Variants in ARFGEF3 observed in about 807,000 individuals in gnomAD.
ARFGEF3 encodes ARFGEF family member 3.
A neutral mutation model predicts 221.7 loss-of-function variants in ARFGEF3; 96 were observed. The observed-to-expected ratio is 0.43, with a 90% confidence interval of 0.37 to 0.51. The LOEUF (loss-of-function observed/expected upper bound fraction) is 0.51. Among genes scored for constraint, ARFGEF3 ranks in the 20% least tolerant of loss-of-function variants. ARFGEF3 has a pLI of 0.00. For synonymous variants in ARFGEF3, 1,145 were observed against 1,126.8 expected (o/e 1.02, Z -0.32); for missense variants, 2,410 against 2,789.9 (o/e 0.86, Z 3.07).
Position 138,245,522 on chromosome 6 carries a change from T to C in ARFGEF3, c.596T>C (p.Val199Ala), listed in dbSNP as rs1199977142. 1 of 1,610,978 alleles carries C rather than the reference T, an allele frequency of 6.2e-7. No homozygotes were observed. The highest frequency in any genetic ancestry group is 1.1e-5 in the South Asian group (1 of 90,076). The change falls in exon 8 of 34, where the codon GTA (valine) becomes GCA (alanine). Residue 199 changes from valine to alanine, a missense_variant. This residue lies in a region of ARFGEF3 where 570 missense variants were observed against 586.9 expected (regional missense o/e 0.97). Coordinates refer to ENST00000251691, the MANE Select transcript of ARFGEF3 (RefSeq NM_020340.5). The part of the protein sequence containing the change: ...PQDFGNQGST[V>A]ESLCDDVVSV... ...CTCCTCTGTTTTGAAGGGTCAACAG[T>C]AGAGTCCCTCTGTGATGATGTTGTC...
chr6:138,297,817 G>A (rs1184074853), intron 21 of ARFGEF3, among the ~76,000 whole-genome samples: 3 of 152,138 alleles, frequency 2.0e-5, no homozygotes, highest in Non-Finnish European at 4.4e-5. Context: ...TTCTGGTGTT[G>A]GCCAGGGGTG....
intron 22 of ARFGEF3, among the ~76,000 whole-genome samples, chr6:138,300,447 A>C (rs1175805566): frequency 6.6e-6 from 1 of 152,166 alleles, no homozygotes; most frequent in African/African-American, 2.4e-5. Flanking sequence ...AACTAAAAAA[A>C]GTTGGATAAA....
chr6:138,326,499 C>G (rs145820825), intron 31 of ARFGEF3, among the ~76,000 whole-genome samples: 1 of 152,048 alleles, frequency 6.6e-6, no homozygotes, highest in African/African-American at 2.4e-5. Context: ...GACATACATG[C>G]GGCCAACATA....
chr6:138,236,247 C>T (rs1386120403), intron 5 of ARFGEF3, among the ~76,000 whole-genome samples: 1 of 152,134 alleles, frequency 6.6e-6, no homozygotes, highest in Non-Finnish European at 1.5e-5. Flanking sequence ...GCTTTTAAGG[C>T]TTAAAACTCC....
intron 31 of ARFGEF3, among the ~76,000 whole-genome samples, chr6:138,327,108 G>A (rs192903768): frequency 8.5e-5 from 13 of 152,276 alleles, no homozygotes; most frequent in African/African-American, 2.4e-4. Flanking sequence ...GTGGGGAACG[G>A]GGGAGGGAGA....
At chr6:138,274,178 C>T (rs1235830430) in intron 12 of ARFGEF3, among the ~76,000 whole-genome samples, 1 of 152,140 alleles carries the variant, frequency 6.6e-6, no homozygotes, top group Non-Finnish European at 1.5e-5. Context: ...TAGTTGGTTT[C>T]AACATTTTGA....
At chr6:138,279,312 C>T (rs1273168512) in intron 13 of ARFGEF3, among the ~76,000 whole-genome samples, 1 of 152,228 alleles carries the variant, frequency 6.6e-6, no homozygotes, top group African/African-American at 2.4e-5. Context: ...GCCACCAGGC[C>T]TGGCTGAAGG....
chr6:138,193,218 G>A (rs1302331195), intron 2 of ARFGEF3, among the ~76,000 whole-genome samples: 1 of 152,118 alleles, frequency 6.6e-6, no homozygotes, highest in Admixed American at 6.6e-5. Flanking sequence ...TCTCATTTGG[G>A]AATGTCCTTT....
chr6:138,223,206 T>C (rs1381325016), intron 4 of ARFGEF3, among the ~76,000 whole-genome samples: 1 of 152,190 alleles, frequency 6.6e-6, no homozygotes, highest in Non-Finnish European at 1.5e-5. Flanking sequence ...ATTCCTGTGC[T>C]TGTCACTGAA....
At chr6:138,204,054 C>T (rs149644544) in intron 2 of ARFGEF3, among the ~76,000 whole-genome samples, 40 of 151,936 alleles carry the variant, frequency 2.6e-4, no homozygotes, top group African/African-American at 8.7e-4. Context: ...TAAAAAGATT[C>T]GAGGCCAGGC....
chr6:138,260,164 A>C (rs60798680), intron 10 of ARFGEF3, among the ~76,000 whole-genome samples: 3,838 of 152,282 alleles, frequency 0.025, 190 homozygotes, highest in African/African-American at 0.089. Context: ...CTTTAGCCCC[A>C]GCCTTGTCAC....
chr6:138,273,340 A>G (rs759437531), intron 12 of ARFGEF3, among the ~76,000 whole-genome samples: 10 of 152,234 alleles, frequency 6.6e-5, no homozygotes, highest in Admixed American at 1.3e-4. Context: ...CTACTCTTGT[A>G]TCTAATCTTT....
intron 2 of ARFGEF3, among the ~76,000 whole-genome samples, chr6:138,202,672 AT>A (rs1228497625): frequency 7.0e-6 from 1 of 143,338 alleles, no homozygotes; most frequent in African/African-American, 2.7e-5. Context: ...TCTTACTAGT[AT>A]TTACTAGCAA....
At chr6:138,276,347 C>G (rs567276289) in intron 12 of ARFGEF3, among the ~76,000 whole-genome samples, 1 of 152,336 alleles carries the variant, frequency 6.6e-6, no homozygotes, top group East Asian at 1.9e-4. Context: ...TCACCCCAAG[C>G]TCCCTGTGAA....
chr6:138,257,815 A>C (rs558057275), intron 10 of ARFGEF3, among the ~76,000 whole-genome samples: 4 of 152,348 alleles, frequency 2.6e-5, no homozygotes, highest in African/African-American at 9.6e-5. Context: ...TCTGAACTTA[A>C]GAGTTTTCTC....
chr6:138,320,244 G>T (rs142121860), intron 28 of ARFGEF3, among the ~76,000 whole-genome samples: 79 of 152,312 alleles, frequency 5.2e-4, no homozygotes, highest in African/African-American at 1.8e-3. Flanking sequence ...GGGGGTAGCG[G>T]GTATAGCCTG....
chr6:138,334,090 A>T lies in ARFGEF3; in HGVS notation c.5244A>T (p.Ile1748=), dbSNP rs767359489. Residue 1748 remains isoleucine (I), a synonymous_variant, in exon 33 of 34, where the codon ATA becomes ATT. Coordinates refer to ENST00000251691, the MANE Select transcript of ARFGEF3 (RefSeq NM_020340.5). This position sits in a 1 kb window ranked among gnomAD's most constrained non-coding sequence, Gnocchi z 5.1. ...KGPSPGEEKT[I]QVPEAKLAGF... ...CCTCTCCTGGAGAGGAAAAGACGAT[A>T]CAAGTGCCAGAAGCCAAGCTGGCTG... is the stretch of plus-strand genomic sequence containing the variant. 1 of 1,613,992 alleles carries T rather than the reference A, an allele frequency of 6.2e-7. No individual in the cohort carries two copies. The highest frequency in any genetic ancestry group is 8.5e-7 in the Non-Finnish European group (1 of 1,179,896).
chr6:138,285,950 T>C lies in ARFGEF3; in HGVS notation c.2466T>C (p.Ile822=). Residue 822 remains isoleucine (I), a synonymous_variant, in exon 15 of 34, where the codon ATT becomes ATC. Transcript: ENST00000251691. ...SLPLITMLTD[I]DGLESSAIGG... ...TTCTTTCTTTTTCCTTGACAGATAT[T>C]GACGGCTTAGAGAGCAGTGCCATTG... The C allele has an allele frequency of 1.2e-6, 2 of 1,607,728 alleles. No homozygotes were observed. Among genetic ancestry groups the C allele is most frequent in the African/African-American group, 1.3e-5 (1 of 74,964 alleles).
At chr6:138,319,972 C>T (rs1262756257) in intron 28 of ARFGEF3, 93 bp downstream of exon 28, 25 of 991,258 alleles carry the variant, frequency 2.5e-5, no homozygotes, top group South Asian at 6.0e-5. Flanking sequence ...AATGCAAATA[C>T]GAATGCAGGG....
Sources: allele counts gnomAD v4.1 joint callset (sites outside exome capture counted in the v4.1 genomes callset), GRCh38; gene constraint gnomAD v4.1.1; regional missense constraint gnomAD v4.1.1; non-coding constraint Gnocchi (gnomAD v3.1); transcripts MANE v1.5; gene names NCBI Gene and HGNC (gene_info 2026-07-23, HGNC 2026-07-21).